Variants in PACRG observed in about 807,000 individuals in gnomAD.
The protein encoded by PACRG is parkin coregulated.
Under a neutral mutation model 29.7 loss-of-function variants are expected in PACRG, and 29 were observed. That is an observed-to-expected ratio of 0.98 (90% CI 0.73 to 1.33). The LOEUF (loss-of-function observed/expected upper bound fraction) is 1.33. Among genes scored for constraint, PACRG ranks in the 40% most tolerant of loss-of-function variants. The probability of loss-of-function intolerance (pLI) is 0.00; values close to 1 mark genes in which losing one functional copy is unlikely to be tolerated. For synonymous variants in PACRG, 116 were observed against 118.7 expected, an observed-to-expected ratio of 0.98 and a Z score of 0.15; for missense variants, 279 against 316.2, an observed-to-expected ratio of 0.88 and a Z score of 0.89.
At chr6:162,775,983 G>A (rs1416272990) in intron 1 of PACRG, among the ~76,000 whole-genome samples, 1 of 152,086 alleles carries the variant, frequency 6.6e-6, no homozygotes, top group Non-Finnish European at 1.5e-5. Context: ...TATAACTTGG[G>A]AAGCCCTTTT....
At chr6:162,984,066 T>G (rs1802669321) in intron 2 of PACRG, among the ~76,000 whole-genome samples, 1 of 152,040 alleles carries the variant, frequency 6.6e-6, no homozygotes, top group Non-Finnish European at 1.5e-5. Flanking sequence ...CGGGTGGTGT[T>G]TGGTTACATG....
chr6:163,272,116 G>A (rs1783852892), intron 4 of PACRG, among the ~76,000 whole-genome samples: 1 of 147,956 alleles, frequency 6.8e-6, no homozygotes, highest in Non-Finnish European at 1.5e-5. Context: ...TTGGCTCACT[G>A]CAACCTCCAC....
intron 4 of PACRG, among the ~76,000 whole-genome samples, chr6:163,092,663 C>A (rs975180661): frequency 1.3e-5 from 2 of 152,130 alleles, no homozygotes; most frequent in African/African-American, 2.4e-5. Flanking sequence ...TCTGTCTACA[C>A]AAGATATGCA....
intron 2 of PACRG, among the ~76,000 whole-genome samples, chr6:162,916,934 G>C (rs563248413): frequency 1.3e-5 from 2 of 151,964 alleles, no homozygotes; most frequent in African/African-American, 2.4e-5. Context: ...CCAAACTTAC[G>C]GTTTCTAGTG....
intron 4 of PACRG, among the ~76,000 whole-genome samples, chr6:163,110,246 G>C (rs541553364): frequency 6.6e-6 from 1 of 152,350 alleles, no homozygotes; most frequent in South Asian, 2.1e-4. Flanking sequence ...ACCTGGTACA[G>C]ATGGGGTTAT....
intron 4 of PACRG, among the ~76,000 whole-genome samples, chr6:163,197,723 A>G (rs1026783620): frequency 2.6e-5 from 4 of 151,942 alleles, no homozygotes; most frequent in Non-Finnish European, 5.9e-5. Context: ...TTTTGGGCTT[A>G]CAGGCCTGAG....
intron 2 of PACRG, among the ~76,000 whole-genome samples, chr6:162,895,571 C>T (rs1025958239): frequency 6.6e-6 from 1 of 152,164 alleles, no homozygotes; most frequent in Non-Finnish European, 1.5e-5. Context: ...TCACCCAGCC[C>T]GATCTTGACA....
intron 4 of PACRG, chr6:163,166,276 A>G (rs12198808): frequency 0.082 from 34,837 of 423,668 alleles, 1,774 homozygotes; most frequent in Non-Finnish European, 0.1. Flanking sequence ...CTCAACAACA[A>G]CAACAAAAAA....
intron 4 of PACRG, among the ~76,000 whole-genome samples, chr6:163,294,209 A>G (rs1472198403): frequency 2.6e-5 from 4 of 152,202 alleles, no homozygotes; most frequent in Admixed American, 6.5e-5. Context: ...TGAGAATTTA[A>G]TCTCATATAA....
intron 2 of PACRG, among the ~76,000 whole-genome samples, chr6:163,017,057 G>A (rs1456234892): frequency 6.6e-6 from 1 of 152,058 alleles, no homozygotes; most frequent in Non-Finnish European, 1.5e-5. Flanking sequence ...TCATGAAGGA[G>A]AGCTGTGTTC....
chr6:163,296,256 AAAGGAATTT>A (rs1395434442), intron 4 of PACRG, among the ~76,000 whole-genome samples: 3 of 152,278 alleles, frequency 2.0e-5, no homozygotes, highest in African/African-American at 7.2e-5. Flanking sequence ...AACAGGACTT[AAAGGAATTT>A]AGTATTTTGA....
At chr6:162,983,418 G>T (rs1309126726) in intron 2 of PACRG, among the ~76,000 whole-genome samples, 1 of 151,494 alleles carries the variant, frequency 6.6e-6, no homozygotes, top group Non-Finnish European at 1.5e-5. Flanking sequence ...TGAGATTTAT[G>T]CTTCAGGAGG....
At chr6:162,945,804 T>A (rs140655908) in intron 2 of PACRG, among the ~76,000 whole-genome samples, 175 of 152,194 alleles carry the variant, frequency 1.1e-3, no homozygotes, top group Middle Eastern at 0.01. Context: ...AGTATTTTCT[T>A]AGACCACAAT....
intron 2 of PACRG, among the ~76,000 whole-genome samples, chr6:162,973,772 G>A (rs1203603899): frequency 2.0e-5 from 3 of 152,178 alleles, no homozygotes; most frequent in Non-Finnish European, 4.4e-5. Context: ...GTATGTGTGT[G>A]TGTGTGTATG....
intron 4 of PACRG, among the ~76,000 whole-genome samples, chr6:163,260,825 ACC>A (rs1301004879): frequency 6.6e-6 from 1 of 152,012 alleles, no homozygotes; most frequent in Non-Finnish European, 1.5e-5. Flanking sequence ...CTGCTGCTTA[ACC>A]CTTCCATGCT....
chr6:162,914,508 GTTT>G (rs3028611), intron 2 of PACRG, among the ~76,000 whole-genome samples: 3,874 of 95,260 alleles, frequency 0.041, 99 homozygotes, highest in African/African-American at 0.13. Context: ...GTACTTTTTT[GTTT>G]TTTTTTTTTT....
intron 2 of PACRG, among the ~76,000 whole-genome samples, chr6:162,849,304 C>T (rs150618070): frequency 4.7e-4 from 71 of 152,220 alleles, no homozygotes; most frequent in Non-Finnish European, 7.4e-4. Context: ...TGCAATAAGA[C>T]GAGCACGGAG....
intron 2 of PACRG, among the ~76,000 whole-genome samples, chr6:162,841,931 T>C (rs1354186858): frequency 6.6e-6 from 1 of 151,128 alleles, no homozygotes; most frequent in Non-Finnish European, 1.5e-5. Context: ...AATTCTGAGT[T>C]CTAGTTTGAT....
chr6:163,293,148 A>G (rs1784672472), intron 4 of PACRG, among the ~76,000 whole-genome samples: 1 of 152,216 alleles, frequency 6.6e-6, no homozygotes, highest in Non-Finnish European at 1.5e-5. Context: ...CCTATGAACC[A>G]TCTTGTTCTT....
Sources: allele counts gnomAD v4.1 joint callset (sites outside exome capture counted in the v4.1 genomes callset), GRCh38; gene constraint gnomAD v4.1.1; transcripts MANE v1.5; gene names NCBI Gene and HGNC (gene_info 2026-07-23, HGNC 2026-07-21).